Variants in ELOVL7 observed in about 807,000 individuals in gnomAD.
ELOVL7 encodes the protein ELOVL fatty acid elongase 7.
In ELOVL7, 27 loss-of-function variants were observed where a neutral mutation model predicts 35.7. The ratio of observed to expected loss-of-function variants is 0.76; its 90% CI spans 0.56 to 1.04. ELOVL7 has a LOEUF of 1.04. ELOVL7 is among the 50% of genes least tolerant of loss of function. The pLI, the probability that ELOVL7 is intolerant of heterozygous loss-of-function variation, is 0.00. For synonymous variants in ELOVL7, 113 were observed against 114.6 expected (o/e 0.99, Z 0.09); for missense variants, 327 against 340.8 (o/e 0.96, Z 0.32).
chr5:60,788,170 T>C (rs955887384), intron 2 of ELOVL7, among the ~76,000 whole-genome samples: 4 of 152,180 alleles, frequency 2.6e-5, no homozygotes, highest in African/African-American at 9.6e-5. Flanking sequence ...AATTGAGAAC[T>C]ATATTTCAGT....
chr5:60,803,463 T>C (rs768527900), intron 1 of ELOVL7, among the ~76,000 whole-genome samples: 3 of 152,232 alleles, frequency 2.0e-5, no homozygotes, highest in Non-Finnish European at 2.9e-5. Context: ...CTAATCTTGA[T>C]TTTCGTTTAA....
intron 1 of ELOVL7, among the ~76,000 whole-genome samples, chr5:60,825,068 G>C (rs1023114398): frequency 1.3e-5 from 2 of 151,430 alleles, no homozygotes; most frequent in African/African-American, 4.9e-5. Flanking sequence ...TGATTCTCCT[G>C]CCTCAGCTTC....
chr5:60,783,873 A>T lies in ELOVL7; in HGVS notation c.64+3461T>A, dbSNP rs114841392. On this transcript the variant is annotated intron_variant, in intron 3 of 8. Transcript: ENST00000508821. ...GTGCTCTGTCTTCCCCAGAAACAAA[A>T]GGCTAATGGGGTGGGGGATGTTTCA... Among the ~76,000 whole-genome samples the T allele has an allele frequency of 2.3e-3, 343 of 152,278 alleles. 1 individual carries two copies. Among genetic ancestry groups the T allele is most frequent in the African/African-American group, 7.9e-3 (330 of 41,560 alleles).
intron 3 of ELOVL7, among the ~76,000 whole-genome samples, chr5:60,782,642 C>T (rs996855381): frequency 6.6e-6 from 1 of 152,160 alleles, no homozygotes; most frequent in Non-Finnish European, 1.5e-5. Context: ...AAAATCCTAT[C>T]ATTTGTGACA....
intron 1 of ELOVL7, 113 bp from the exon 2 acceptor site, chr5:60,799,343 G>T (rs1744453288): frequency 6.6e-6 from 1 of 151,272 alleles, no homozygotes; most frequent in Non-Finnish European, 1.5e-5. Context: ...GATTAGAGTA[G>T]AAATAAAGGA....
At chr5:60,842,873 C>G (rs1198104743) in intron 1 of ELOVL7, among the ~76,000 whole-genome samples, 1 of 149,924 alleles carries the variant, frequency 6.7e-6, no homozygotes, top group African/African-American at 2.4e-5. Context: ...ACATCAGTGC[C>G]TGGCACCTAA....
intron 1 of ELOVL7, among the ~76,000 whole-genome samples, chr5:60,818,263 A>G (rs1248393682): frequency 1.4e-5 from 2 of 140,732 alleles, no homozygotes; most frequent in Non-Finnish European, 3.0e-5. Context: ...AGTGGAAGTG[A>G]GTCAAGATTG....
At chr5:60,830,361 A>T (rs1746409354) in intron 1 of ELOVL7, among the ~76,000 whole-genome samples, 1 of 152,230 alleles carries the variant, frequency 6.6e-6, no homozygotes, top group Admixed American at 6.5e-5. Context: ...AAAGTAAAGT[A>T]ATAGTAACTG....
At chr5:60,777,986 A>T (rs1386005127) in intron 3 of ELOVL7, among the ~76,000 whole-genome samples, 1 of 152,264 alleles carries the variant, frequency 6.6e-6, no homozygotes, top group Non-Finnish European at 1.5e-5. Context: ...TTGATGACAG[A>T]CACTTTTCAA....
chr5:60,831,777 T>C (rs903147949), intron 1 of ELOVL7, among the ~76,000 whole-genome samples: 44 of 152,252 alleles, frequency 2.9e-4, no homozygotes, highest in African/African-American at 9.9e-4. Context: ...ACCTTATATA[T>C]TTATGCTTTT....
intron 1 of ELOVL7, among the ~76,000 whole-genome samples, chr5:60,811,189 C>A (rs1745220019): frequency 6.6e-6 from 1 of 151,956 alleles, no homozygotes; most frequent in Non-Finnish European, 1.5e-5. Context: ...AAAAACTTTG[C>A]AAATTAGCTG....
rs1741415143 is a variant in ELOVL7 at position 60,754,566 on chromosome 5, T to A, written c.*58A>T. 2.0e-6 allele frequency: 3 copies of A among 1,474,996 alleles called. No homozygotes were observed. In the Admixed American group the frequency reaches 5.1e-5, roughly 25 times the overall value. The allele number at this position is 1,474,996 out of a possible 1,614,324, so 91.4% of individuals were successfully genotyped here. A position where few individuals can be genotyped will look rare whatever the true frequency, so the allele number is the denominator to read the frequency against. ...ACAAAATGCACTGCATAGGTAAATA[T>A]CTCTTGATTGTCAAGGAAGACAATG... On this transcript the variant is annotated 3_prime_UTR_variant, in exon 9 of 9. Transcript: ENST00000508821.
intron 3 of ELOVL7, among the ~76,000 whole-genome samples, chr5:60,782,756 A>C (rs1015854328): frequency 6.6e-6 from 1 of 152,220 alleles, no homozygotes. Flanking sequence ...TCATATTTAT[A>C]TAAGAAGAGT....
intron 1 of ELOVL7, chr5:60,843,641 G>T (rs184369191): frequency 0.011 from 1,609 of 151,948 alleles, 15 homozygotes; most frequent in South Asian, 0.035. Flanking sequence ...TCCGGAATTT[G>T]GGGGGGTGGC....
At chr5:60,804,119 G>A (rs1744797031) in intron 1 of ELOVL7, among the ~76,000 whole-genome samples, 1 of 152,202 alleles carries the variant, frequency 6.6e-6, no homozygotes, top group Admixed American at 6.5e-5. Context: ...GTGACAACTT[G>A]TAAGAAATGA....
At chr5:60,810,420 C>T (rs111735554) in intron 1 of ELOVL7, among the ~76,000 whole-genome samples, 271 of 152,310 alleles carry the variant, frequency 1.8e-3, no homozygotes, top group African/African-American at 6.1e-3. Flanking sequence ...TCTAAGCCCA[C>T]TGCTTATCTA....
chr5:60,828,297 A>G (rs1240337556), intron 1 of ELOVL7, among the ~76,000 whole-genome samples: 1 of 152,206 alleles, frequency 6.6e-6, no homozygotes, highest in Admixed American at 6.5e-5. Flanking sequence ...AAATTATAAT[A>G]GGAATAAATT....
intron 1 of ELOVL7, among the ~76,000 whole-genome samples, chr5:60,837,315 T>TGGGGGGGGG (rs1227317155): frequency 5.3e-4 from 13 of 24,492 alleles, no homozygotes; most frequent in Admixed American, 1.1e-3. Context: ...GGCGGGGGGG[T>TGGGGGGGGG]GGGGGGGGAG....
chr5:60,824,450 G>A (rs984692306), intron 1 of ELOVL7, among the ~76,000 whole-genome samples: 1 of 152,202 alleles, frequency 6.6e-6, no homozygotes, highest in African/African-American at 2.4e-5. Context: ...AAGAAAGGCA[G>A]AGGCAACAAA....
Sources: gnomAD v4.1 joint callset for allele counts (sites outside exome capture counted in the v4.1 genomes callset) on GRCh38, gnomAD v4.1.1 for gene constraint, MANE v1.5 for transcripts, NCBI Gene and HGNC (gene_info 2026-07-23, HGNC 2026-07-21) for gene names.